Variants in DCAF8L2 observed in about 807,000 individuals in gnomAD.
DCAF8L2 encodes DDB1 and CUL4 associated factor 8 like 2.
For synonymous variants in DCAF8L2, 200 were observed against 190.9 expected (o/e 1.05, Z -0.39); for missense variants, 430 against 490.7 (o/e 0.88, Z 1.17).
chrX:27,573,890 T>G, the DCAF8L2 span, among the ~76,000 whole-genome samples: 1 of 110,628 alleles, frequency 9.0e-6, no homozygotes, highest in African/African-American at 3.3e-5. Context: ...AGCTGTGGTC[T>G]CACTAAATTG....
chrX:27,609,722 TAAG>T (rs1319814597), intron 1 of DCAF8L2, among the ~76,000 whole-genome samples: 1 of 111,584 alleles, frequency 9.0e-6, no homozygotes, highest in African/African-American at 3.3e-5. Context: ...TATTTTATAA[TAAG>T]AAACCAAAAT....
the DCAF8L2 span, among the ~76,000 whole-genome samples, chrX:27,469,529 G>C: frequency 9.0e-6 from 1 of 111,418 alleles, no homozygotes; most frequent in Admixed American, 9.6e-5. Flanking sequence ...AGTCTATTTC[G>C]TCTTAACATT....
chrX:27,502,335 A>AAAAAAAAAAATATATAT, the DCAF8L2 span, among the ~76,000 whole-genome samples: 4 of 12,716 alleles, frequency 3.1e-4, no homozygotes, highest in Non-Finnish European at 6.0e-4. Flanking sequence ...AAAAAAAAAA[A>AAAAAAAAAAATATATAT]ATATATATAT....
At chrX:27,495,289 G>C in the DCAF8L2 span, among the ~76,000 whole-genome samples, 1 of 111,591 alleles carries the variant, frequency 9.0e-6, no homozygotes, top group Non-Finnish European at 1.9e-5. Flanking sequence ...TGTCAATACT[G>C]TGCCCTATAG....
intron 1 of DCAF8L2, among the ~76,000 whole-genome samples, chrX:27,595,404 A>G (rs1926306688): frequency 3.6e-5 from 4 of 111,216 alleles, no homozygotes; most frequent in Non-Finnish European, 7.5e-5. Flanking sequence ...CATTTTAGTC[A>G]GACTCTAAAT....
At chrX:27,559,877 C>A in the DCAF8L2 span, among the ~76,000 whole-genome samples, 1 of 111,836 alleles carries the variant, frequency 8.9e-6, no homozygotes, top group Admixed American at 9.5e-5. Flanking sequence ...TCCAATCTTT[C>A]TCCTTCCAGG....
chrX:27,719,733 C>A (rs1054324945), intron 4 of DCAF8L2, among the ~76,000 whole-genome samples: 4 of 111,748 alleles, frequency 3.6e-5, no homozygotes, highest in Non-Finnish European at 7.5e-5. Context: ...GCGTGAGCCA[C>A]TGTGCCAGGT....
At chrX:27,613,037 G>T (rs1212724653) in intron 1 of DCAF8L2, among the ~76,000 whole-genome samples, 1 of 111,391 alleles carries the variant, frequency 9.0e-6, no homozygotes, top group African/African-American at 3.3e-5. Context: ...AAATTACTTT[G>T]GGCAGTATGG....
intron 1 of DCAF8L2, among the ~76,000 whole-genome samples, chrX:27,608,464 T>G (rs1927009548): frequency 8.9e-6 from 1 of 111,871 alleles, no homozygotes; most frequent in Admixed American, 9.6e-5. Flanking sequence ...TTTTACTTTT[T>G]GCTTTAGTTA....
At chrX:27,550,027 C>G in the DCAF8L2 span, among the ~76,000 whole-genome samples, 2 of 112,063 alleles carry the variant, frequency 1.8e-5, no homozygotes, top group African/African-American at 6.5e-5. Context: ...CCCTTTCTCT[C>G]CAATGCTGAT....
At chrX:27,650,075 T>C (rs2147198350) in intron 2 of DCAF8L2, among the ~76,000 whole-genome samples, 1 of 112,031 alleles carries the variant, frequency 8.9e-6, no homozygotes, top group East Asian at 2.8e-4. Flanking sequence ...ATAGGCTTGT[T>C]ACTCACTTTG....
intron 2 of DCAF8L2, 187 bp downstream of exon 2, chrX:27,632,187 T>TATGTGC (rs1928315723): frequency 8.9e-6 from 1 of 112,192 alleles, no homozygotes; most frequent in African/African-American, 3.2e-5. Context: ...TTTAAAAATG[T>TATGTGC]ATGTGCTATA....
intron 3 of DCAF8L2, among the ~76,000 whole-genome samples, chrX:27,697,566 A>G (rs773648218): frequency 9.0e-6 from 1 of 111,682 alleles, no homozygotes; most frequent in Non-Finnish European, 1.9e-5. Context: ...AAACCCAACA[A>G]AATAGATAAA....
chrX:27,733,291 A>G (rs1042419082), intron 4 of DCAF8L2, among the ~76,000 whole-genome samples: 1 of 111,884 alleles, frequency 8.9e-6, no homozygotes, highest in Non-Finnish European at 1.9e-5. Flanking sequence ...AATGATATTG[A>G]GCACTTTTGA....
At chrX:27,546,364 G>C in the DCAF8L2 span, among the ~76,000 whole-genome samples, 886 of 111,948 alleles carry the variant, frequency 7.9e-3, 13 homozygotes, top group African/African-American at 0.027. Flanking sequence ...GGCTGGCGTT[G>C]AGTGTCTGTG....
At chrX:27,737,861 A>C (rs779711060) in intron 4 of DCAF8L2, among the ~76,000 whole-genome samples, 2 of 111,346 alleles carry the variant, frequency 1.8e-5, no homozygotes, top group Non-Finnish European at 3.8e-5. Context: ...ACACAAAAAA[A>C]TTCTACTAAT....
chrX:27,728,260 T>C (rs1332734515), intron 4 of DCAF8L2, among the ~76,000 whole-genome samples: 1 of 111,678 alleles, frequency 9.0e-6, no homozygotes, highest in African/African-American at 3.3e-5. Context: ...ACAATTTTTT[T>C]ACATGATCCC....
At chrX:27,722,878 G>A (rs918794785) in intron 4 of DCAF8L2, among the ~76,000 whole-genome samples, 2 of 110,147 alleles carry the variant, frequency 1.8e-5, no homozygotes, top group Non-Finnish European at 3.8e-5. Context: ...ATAAGAAAGC[G>A]TAACTGTAAT....
chrX:27,611,364 C>CATAT (rs10545959), intron 1 of DCAF8L2, among the ~76,000 whole-genome samples: 20 of 102,950 alleles, frequency 1.9e-4, no homozygotes, highest in Non-Finnish European at 2.6e-4. Context: ...TCTTTTTATT[C>CATAT]ATATATATAT....
Sources: allele counts gnomAD v4.1 joint callset (sites outside exome capture counted in the v4.1 genomes callset), GRCh38; gene constraint gnomAD v4.1.1; transcripts MANE v1.5; gene names NCBI Gene and HGNC (gene_info 2026-07-23, HGNC 2026-07-21).